Variants in NT5DC1 observed in about 807,000 individuals in gnomAD.
The protein encoded by NT5DC1 is 5'-nucleotidase domain containing 1.
In NT5DC1, 42 loss-of-function variants were observed where a neutral mutation model predicts 59.4. The observed-to-expected ratio is 0.71, with a 90% CI of 0.55 to 0.92. The LOEUF (loss-of-function observed/expected upper bound fraction) is 0.92. NT5DC1 is among the 40% of genes least tolerant of loss of function. NT5DC1 has a pLI of 0.00. For synonymous variants in NT5DC1, 172 were observed against 188.1 expected, an observed-to-expected ratio of 0.91 and a Z score of 0.70; for missense variants, 501 against 537.1, an observed-to-expected ratio of 0.93 and a Z score of 0.66.
At chr6:116,158,246 G>A (rs1037340732) in intron 6 of NT5DC1, among the ~76,000 whole-genome samples, 1 of 85,376 alleles carries the variant, frequency 1.2e-5, no homozygotes, top group Non-Finnish European at 2.6e-5. Flanking sequence ...GAGTAGTTTA[G>A]TGTGCTACCT....
chr6:116,163,141 A>AATATAT lies in NT5DC1; in HGVS notation c.529+45213_529+45218dup, dbSNP rs1554197063. ...GACTCCGTCTCAAAAAAAAAAAAAA[A>AATATAT]ATATATATATATATATATATATTAG... On this transcript the variant is annotated intron_variant, in intron 6 of 11. Transcript: ENST00000319550. Among the ~76,000 whole-genome samples, 50 of 88,388 alleles carry AATATAT rather than the reference A, an allele frequency of 5.7e-4. 3 individuals are homozygous for AATATAT. The South Asian group carries it at 8.8e-3, about 16-fold the overall frequency. The allele number at this position is 88,388 out of a possible 152,430, so 58.0% of individuals were successfully genotyped here.
intron 6 of NT5DC1, among the ~76,000 whole-genome samples, chr6:116,131,185 A>T (rs902751926): frequency 1.3e-5 from 2 of 152,068 alleles, no homozygotes; most frequent in African/African-American, 4.8e-5. Flanking sequence ...TTTCCAGAAA[A>T]CCCGATCACA....
At chr6:116,162,971 CA>C (rs1247730704) in intron 6 of NT5DC1, among the ~76,000 whole-genome samples, 43 of 151,500 alleles carry the variant, frequency 2.8e-4, no homozygotes, top group Non-Finnish European at 3.7e-4. Flanking sequence ...ACTAAATATA[CA>C]AAAAATTAGC....
intron 6 of NT5DC1, among the ~76,000 whole-genome samples, chr6:116,185,157 G>A (rs748000721): frequency 1.3e-5 from 2 of 152,004 alleles, no homozygotes; most frequent in Non-Finnish European, 2.9e-5. Context: ...TAATTTCCAT[G>A]TATTTGCATG....
At chr6:116,199,941 T>C (rs1487082988) in intron 6 of NT5DC1, among the ~76,000 whole-genome samples, 3 of 150,052 alleles carry the variant, frequency 2.0e-5, no homozygotes, top group African/African-American at 7.5e-5. Context: ...CATGAATTTT[T>C]ACTCCTTAAG....
intron 6 of NT5DC1, among the ~76,000 whole-genome samples, chr6:116,128,638 A>G (rs975758099): frequency 6.6e-6 from 1 of 152,178 alleles, no homozygotes; most frequent in African/African-American, 2.4e-5. Flanking sequence ...ATTAAGATAA[A>G]TACTGGGTGA....
At chr6:116,205,480 TA>T (rs34756040) in intron 6 of NT5DC1, among the ~76,000 whole-genome samples, 64,468 of 151,746 alleles carry the variant, frequency 0.42, 17,643 homozygotes, top group African/African-American at 0.78. Flanking sequence ...GGTTGGAACT[TA>T]ACTGAGTCAG....
chr6:116,226,520 G>A (rs1781912376), intron 8 of NT5DC1, among the ~76,000 whole-genome samples: 1 of 151,844 alleles, frequency 6.6e-6, no homozygotes, highest in Non-Finnish European at 1.5e-5. Context: ...GAAAAAGGGT[G>A]GAGTTTTTAA....
intron 6 of NT5DC1, chr6:116,118,815 G>A (rs1779021105): frequency 1.3e-5 from 2 of 152,298 alleles, no homozygotes; most frequent in East Asian, 3.9e-4. Flanking sequence ...ATTGCATGTG[G>A]TTTTGTGGGT....
intron 6 of NT5DC1, among the ~76,000 whole-genome samples, chr6:116,211,953 G>C (rs977008): frequency 0.68 from 103,336 of 151,876 alleles, 37,162 homozygotes; most frequent in African/African-American, 0.93. Context: ...CATTCACGCA[G>C]TGAGGCCTGT....
intron 6 of NT5DC1, among the ~76,000 whole-genome samples, chr6:116,177,175 C>CT (rs1343636462): frequency 6.6e-6 from 1 of 152,142 alleles, no homozygotes; most frequent in African/African-American, 2.4e-5. Context: ...GTTACTTGAG[C>CT]TTTTCGTTTC....
At chr6:116,243,465 C>A (rs1165810635) in intron 11 of NT5DC1, among the ~76,000 whole-genome samples, 1 of 152,186 alleles carries the variant, frequency 6.6e-6, no homozygotes, top group Non-Finnish European at 1.5e-5. Flanking sequence ...TCTAACTCTT[C>A]ATCCTAAGTG....
intron 6 of NT5DC1, among the ~76,000 whole-genome samples, chr6:116,129,694 C>T (rs1056735593): frequency 1.3e-4 from 20 of 152,166 alleles, no homozygotes; most frequent in African/African-American, 4.8e-4. Flanking sequence ...CATAAATTAC[C>T]CCGTCTGTGG....
In NT5DC1 at chr6:116,239,009, A is replaced by G. The variant is rs1782176561; in HGVS notation, c.1138A>G (p.Ile380Val). The change falls in exon 11 of 12, where the codon ATT (isoleucine) becomes GTT (valine). Residue 380 changes from isoleucine (I) to valine (V), a missense_variant. Transcript: ENST00000319550. ...ATCTAAAAAATGGGGCTCTTTTTTT[A>G]TTGATTCAGTTTTGGGACTGGAAAA... The part of the protein sequence containing the change: ...TSSKKWGSFF[I>V]DSVLGLENTE... 1 of 1,609,362 alleles carries G rather than the reference A, an allele frequency of 6.2e-7. No homozygotes were observed. Among genetic ancestry groups the G allele is most frequent in the Admixed American group, 1.7e-5 (1 of 59,916 alleles).
At chr6:116,131,213 C>T (rs1779453450) in intron 6 of NT5DC1, among the ~76,000 whole-genome samples, 1 of 152,122 alleles carries the variant, frequency 6.6e-6, no homozygotes, top group Non-Finnish European at 1.5e-5. Flanking sequence ...TGAACATTCA[C>T]CAAGAGCCAA....
At position 116,100,947 on chromosome 6, in the gene NT5DC1, C is replaced by T. The variant is rs745637022; in HGVS notation, c.17C>T (p.Ser6Phe). 2 of 1,604,150 alleles carry T rather than the reference C, an allele frequency of 1.2e-6. No individual in the cohort carries two copies. Among genetic ancestry groups the T allele is most frequent in the Non-Finnish European group, 8.5e-7 (1 of 1,176,634 alleles). MAQHF[S>F]LAACDVVGFD... ...CGCGCAGCCATGGCTCAGCACTTCT[C>T]CCTGGCCGCCTGCGACGTGGTCGGA... Residue 6 changes from serine (S) to phenylalanine (F), a missense_variant, in exon 1 of 12, where the codon TCC becomes TTC. Physicochemically the swap from Ser to Phe is radical, Grantham distance 155. Coordinates refer to ENST00000319550, the MANE Select transcript of NT5DC1 (RefSeq NM_152729.3).
intron 6 of NT5DC1, among the ~76,000 whole-genome samples, chr6:116,179,098 A>T (rs565191424): frequency 2.0e-5 from 3 of 152,298 alleles, no homozygotes; most frequent in African/African-American, 7.2e-5. Flanking sequence ...ATTTAACATA[A>T]GTAGAGATAT....
intron 6 of NT5DC1, among the ~76,000 whole-genome samples, chr6:116,173,832 T>G (rs985333077): frequency 2.0e-5 from 3 of 152,184 alleles, no homozygotes; most frequent in Admixed American, 1.3e-4. Context: ...AAACCAACAT[T>G]GGCACATTCC....
intron 9 of NT5DC1, 123 bp downstream of exon 9, chr6:116,237,207 GCTGT>G (rs1374752999): frequency 2.4e-5 from 16 of 669,678 alleles, no homozygotes; most frequent in Admixed American, 1.4e-4. Context: ...ATGTAGACAG[GCTGT>G]CTATCTGTGA....
Sources: allele counts gnomAD v4.1 joint callset (sites outside exome capture counted in the v4.1 genomes callset), GRCh38; gene constraint gnomAD v4.1.1; transcripts MANE v1.5; gene names NCBI Gene and HGNC (gene_info 2026-07-23, HGNC 2026-07-21).